The following URB1 variants were observed in gnomAD, a reference collection of about 807,000 sequenced individuals.
URB1 encodes the protein nucleolar pre-ribosomal-associated protein 1.
Under a neutral mutation model 242.3 loss-of-function variants are expected in URB1, and 197 were observed. That is an observed-to-expected ratio of 0.81 (90% CI 0.72 to 0.91). The LOEUF (loss-of-function observed/expected upper bound fraction) is 0.91, where lower values mean the gene tolerates loss of function less well. Ranked by LOEUF, URB1 falls within the 40% of genes least tolerant of loss-of-function variation. URB1 has a pLI of 0.00. For missense variants in URB1, 2,721 were observed against 2,860.5 expected (o/e 0.95, Z 1.11); for synonymous variants, 1,153 against 1,201.8 (o/e 0.96, Z 0.84).
In URB1 at chr21:32,373,672, G is replaced by C; in HGVS notation, c.851C>G (p.Thr284Ser). Reference sequence around the variant, plus strand: ...CTTGACATTTTCTGGGTTCACATCGGTAATCCCATTCCAGTTGTACAGCGA... The same window carrying C: ...CTTGACATTTTCTGGGTTCACATCGCTAATCCCATTCCAGTTGTACAGCGA... ...IASLYNWNGI[T>S]DVNPENVKVS... Residue 284 changes from threonine to serine, a missense_variant, in exon 7 of 39, where the codon ACC becomes AGC. Coordinates refer to ENST00000382751, the MANE Select transcript of URB1 (RefSeq NM_014825.3). 2.6e-6 allele frequency: 4 copies of C among 1,542,248 alleles called. No individual in the cohort carries two copies. The highest frequency in any genetic ancestry group is 3.5e-6 in the Non-Finnish European group (4 of 1,143,950).
chr21:32,352,911 A>T lies in URB1; in HGVS notation c.2417-5T>A. On this transcript the variant is annotated splice_polypyrimidine_tract_variant and splice_region_variant and intron_variant, in intron 18 of 38. Transcript: ENST00000382751. ...GATATGTCACAACGTTTTCCGCTGC[A>T]AAGGAACGAGATGCATATGGGAAGA... 1.3e-6 allele frequency: 2 copies of T among 1,538,700 alleles called. No individual in the cohort carries two copies. The highest frequency in any genetic ancestry group is 2.5e-5 in the East Asian group (1 of 40,800).
intron 33 of URB1, 123 bp from the exon 34 acceptor site, chr21:32,322,067 G>T: frequency 9.0e-7 from 1 of 1,113,102 alleles, no homozygotes; most frequent in African/African-American, 1.6e-5. Context: ...TGACCTCCAT[G>T]TCTGATTATG....
At chr21:32,316,401 A>C (rs1601116482) in intron 38 of URB1, 65 bp downstream of exon 38, 1 of 1,450,814 alleles carries the variant, frequency 6.9e-7, no homozygotes, top group Non-Finnish European at 9.1e-7. Context: ...CACAGAAATC[A>C]CTCCTGCCCC....
In URB1 at chr21:32,378,518, G is replaced by C. The variant is rs1386992126; in HGVS notation, c.591C>G (p.Ala197=). ...AAAAGGAGAGAGCAAACTGAACGTA[G>C]GCCTGCCGAACGTCGTACACTCCCT... ...DSKGVYDVRQ[A]YVQFALSFLI... is the part of the protein sequence containing the mutation. Residue 197 remains alanine (A), a synonymous_variant, in exon 5 of 39, where the codon GCC becomes GCG. Coordinates refer to ENST00000382751, the MANE Select transcript of URB1 (RefSeq NM_014825.3). 6.4e-7 allele frequency: 1 copy of C among 1,551,632 alleles called. No individual in the cohort carries two copies. Among genetic ancestry groups the C allele is most frequent in the South Asian group, 1.2e-5 (1 of 84,056 alleles).
chr21:32,348,831 T>C (rs1189094459), intron 21 of URB1, among the ~76,000 whole-genome samples: 1 of 152,268 alleles, frequency 6.6e-6, no homozygotes, highest in Non-Finnish European at 1.5e-5. Flanking sequence ...ACAAGGAACG[T>C]GTCTGCCTCC....
intron 30 of URB1, among the ~76,000 whole-genome samples, chr21:32,326,345 C>G (rs2032829107): frequency 6.6e-6 from 1 of 152,156 alleles, no homozygotes; most frequent in Admixed American, 6.5e-5. Context: ...AATGAGTAAT[C>G]ATGGAATATA....
In URB1 at chr21:32,337,562, C is replaced by T. The variant is rs759916339; in HGVS notation, c.4511-48G>A. ...CACATGGCATGGTGGGGCAGACACA[C>T]TGAATACCAGAAGAGGAGAGAGCCT... On this transcript the variant is annotated intron_variant, in intron 26 of 38. Transcript: ENST00000382751. The T allele has an allele frequency of 4.3e-5, 64 of 1,478,910 alleles. 1 individual carries two copies. In the South Asian group the frequency reaches 5.4e-4, roughly 13 times the overall value. 91.6% of individuals were successfully genotyped at this position (1,478,910 alleles called of 1,614,324 possible).
intron 7 of URB1, 96 bp from the exon 8 acceptor site, chr21:32,372,727 C>A: frequency 7.5e-7 from 1 of 1,341,084 alleles, no homozygotes; most frequent in Non-Finnish European, 9.9e-7. Context: ...CTGCCGATGA[C>A]AATTTAGAAA....
rs1183900600 is a variant in URB1 at position 32,357,592 on chromosome 21, A to G, written c.1934T>C (p.Phe645Ser). The G allele has an allele frequency of 2.0e-6, 3 of 1,536,772 alleles. No individual in the cohort carries two copies. The highest frequency in any genetic ancestry group is 2.6e-6 in the Non-Finnish European group (3 of 1,142,584). ...RSVFYLLMKM[F>S]VTSSHLQLKS... ...CAGTTGTAAATGGCTACTGGTCACA[A>G]ACATTTTCATTAGTAAGTAAAATAC... The change falls in exon 15 of 39, where the codon TTT becomes TCT. Residue 645 changes from phenylalanine to serine, a missense_variant. By Grantham distance (155) the Phe-to-Ser change is radical. Coordinates refer to ENST00000382751, the MANE Select transcript of URB1 (RefSeq NM_014825.3).
At chr21:32,362,077 A>G in intron 11 of URB1, 56 bp from the exon 12 acceptor site, 1 of 1,539,920 alleles carries the variant, frequency 6.5e-7, no homozygotes. Flanking sequence ...AGGGAGACAA[A>G]TGAACTGAAC....
Position 32,313,642 on chromosome 21 carries a change from G to T in URB1, c.*1276C>A, listed in dbSNP as rs1308899717. 6.6e-6 allele frequency: 1 copy of T among 152,154 alleles called. No individual in the cohort carries two copies. 9.4% of individuals were successfully genotyped at this position (152,154 alleles called of 1,614,324 possible). A position where few individuals can be genotyped will look rare whatever the true frequency, so the allele number is the denominator to read the frequency against. On this transcript the variant is annotated 3_prime_UTR_variant, in exon 39 of 39. Transcript: ENST00000382751. ...ACAGAAACAATTCTAAAGAACACTG[G>T]TGGAAAATAGAAGTGTAAATGTTTC...
intron 1 of URB1, among the ~76,000 whole-genome samples, chr21:32,386,920 G>C (rs569450511): frequency 1.3e-5 from 2 of 152,168 alleles, no homozygotes; most frequent in Non-Finnish European, 2.9e-5. Flanking sequence ...TCCACGAACT[G>C]GATGATTCCT....
chr21:32,368,621 G>A, intron 8 of URB1, 23 bp from the exon 9 acceptor site: 3 of 1,537,728 alleles, frequency 2.0e-6, no homozygotes, highest in Non-Finnish European at 2.6e-6. Context: ...GACACATGGG[G>A]AGAGGTCAGC....
chr21:32,321,016 G>A (rs549976961), intron 34 of URB1, among the ~76,000 whole-genome samples: 3 of 152,284 alleles, frequency 2.0e-5, no homozygotes, highest in South Asian at 2.1e-4. Context: ...CGAGCCATGC[G>A]GCCCTGTGTT....
chr21:32,344,689 T>G lies in URB1; in HGVS notation c.4138A>C (p.Arg1380=). 2.6e-6 allele frequency: 4 copies of G among 1,552,312 alleles called. No individual in the cohort carries two copies. The South Asian group carries it at 4.8e-5, about 18-fold the overall frequency. Reference sequence around the variant, plus strand: ...TTCACACAGGACTCCAAAAGGGTCCTTCTCCAGGCACACAGCTCTTCTGCT... The same window carrying G: ...TTCACACAGGACTCCAAAAGGGTCCGTCTCCAGGCACACAGCTCTTCTGCT... ...GSAEELCAWR[R]TLLESCVKWL... The change falls in exon 24 of 39, where the codon AGG becomes CGG. Residue 1380 remains arginine (R), a synonymous_variant. Coordinates refer to ENST00000382751, the MANE Select transcript of URB1 (RefSeq NM_014825.3).
chr21:32,315,164 T>A, intron 38 of URB1, 65 bp from the exon 39 acceptor site: 1 of 1,416,264 alleles, frequency 7.1e-7, no homozygotes. Flanking sequence ...CAGGTCATCC[T>A]GCCCACAATG....
In URB1 at chr21:32,347,232, TGTCCAGCTC is replaced by T; in HGVS notation, c.3583_3591del (p.Glu1195_Asp1197del). The T allele has an allele frequency of 6.4e-7, 1 of 1,550,736 alleles. No individual in the cohort carries two copies. Among genetic ancestry groups the T allele is most frequent in the Middle Eastern group, 1.7e-4 (1 of 5,990 alleles). On this transcript the variant is annotated inframe_deletion, in exon 22 of 39. Transcript: ENST00000382751. Reference sequence around the variant, plus strand: ...CTCTGCAGAGTGTGGAGGAGCACTGTGTCCAGCTCGTCCACTGCTAGCGTGGGCAGCAGA... The same window carrying T: ...CTCTGCAGAGTGTGGAGGAGCACTGTGTCCACTGCTAGCGTGGGCAGCAGA...
chr21:32,344,887 G>A (rs1287553133), intron 23 of URB1, 131 bp from the exon 24 acceptor site: 4 of 1,113,516 alleles, frequency 3.6e-6, no homozygotes, highest in Non-Finnish European at 4.9e-6. Context: ...CCACTCACAG[G>A]AATCACAGGC....
At chr21:32,366,475 C>T (rs1432744531) in intron 10 of URB1, 143 bp downstream of exon 10, 3 of 1,176,926 alleles carry the variant, frequency 2.5e-6, no homozygotes, top group African/African-American at 1.6e-5. Context: ...TTTCAAACTA[C>T]AGCCTCTGTC....
Sources: gnomAD v4.1 joint callset for allele counts (sites outside exome capture counted in the v4.1 genomes callset) on GRCh38, gnomAD v4.1.1 for gene constraint, MANE v1.5 for transcripts, NCBI Gene and HGNC (gene_info 2026-07-23, HGNC 2026-07-21) for gene names.